Variants in TP53BP2 observed in about 807,000 individuals in gnomAD.
The protein encoded by TP53BP2 is apoptosis-stimulating of p53 protein 2.
In TP53BP2, 62 loss-of-function variants were observed where a neutral mutation model predicts 126.2. The ratio of observed to expected loss-of-function variants is 0.49; its 90% CI spans 0.40 to 0.61. TP53BP2 has a LOEUF of 0.61. TP53BP2 is among the 20% of genes least tolerant of loss of function. TP53BP2 has a pLI of 0.00. For missense variants in TP53BP2, 1,215 were observed against 1,402.8 expected, an observed-to-expected ratio of 0.87 and a Z score of 2.14; for synonymous variants, 485 against 502.9, an observed-to-expected ratio of 0.96 and a Z score of 0.48.
In TP53BP2 at chr1:223,803,281, T is replaced by C; in HGVS notation, c.821A>G (p.Lys274Arg). 1 of 1,611,554 alleles carries C rather than the reference T, an allele frequency of 6.2e-7. No individual in the cohort carries two copies. The change falls in exon 7 of 18, where the codon AAG becomes AGG. Residue 274 changes from lysine to arginine, a missense_variant. Lys to Arg is a conservative substitution (Grantham distance 26). Transcript: ENST00000343537. The stretch of plus-strand genomic sequence containing the variant: ...ACAGCTACGGTCTACCTGCAGCTCC[T>C]TATAGAGGCGATCAAGCTCAGCCAC... Reference protein sequence around the residue: ...SAVAELDRLYKELQLRNKLNQ... With the variant: ...SAVAELDRLYRELQLRNKLNQ...
intron 11 of TP53BP2, among the ~76,000 whole-genome samples, chr1:223,799,635 CA>C (rs1335908050): frequency 1.3e-5 from 2 of 152,298 alleles, no homozygotes; most frequent in African/African-American, 4.8e-5. Context: ...AATACAAATA[CA>C]GTGTTCTTCG....
In TP53BP2 at chr1:223,804,220, T is replaced by C; in HGVS notation, c.603A>G (p.Ala201=). 6.2e-7 allele frequency: 1 copy of C among 1,614,154 alleles called. No homozygotes were observed. Among genetic ancestry groups the C allele is most frequent in the Non-Finnish European group, 8.5e-7 (1 of 1,180,020 alleles). Residue 201 remains alanine, a synonymous_variant, in exon 6 of 18, where the codon GCA becomes GCG. Coordinates refer to ENST00000343537, the MANE Select transcript of TP53BP2 (RefSeq NM_001031685.3). ...TCTTCTGTTCCACGTGGCCTTTAAG[T>C]GCTCTCACTTTTTTTAGCTTAGCTT... The part of the protein sequence containing the change: ...NQEAKLKKVR[A]LKGHVEQKRL...
intron 1 of TP53BP2, among the ~76,000 whole-genome samples, 194 bp downstream of exon 1, chr1:223,845,460 G>C (rs1045115252): frequency 1.3e-5 from 2 of 152,174 alleles, no homozygotes; most frequent in Non-Finnish European, 2.9e-5. Context: ...CCCCCACGAC[G>C]GCTGTGGGCG....
At chr1:223,786,066 A>T (rs1661943376) in intron 16 of TP53BP2, among the ~76,000 whole-genome samples, 1 of 152,124 alleles carries the variant, frequency 6.6e-6, no homozygotes, top group Admixed American at 6.5e-5. Context: ...AAAAAGATAA[A>T]CTGTGCAGTG....
At chr1:223,823,425 T>C (rs1393089511) in intron 1 of TP53BP2, among the ~76,000 whole-genome samples, 1 of 152,202 alleles carries the variant, frequency 6.6e-6, no homozygotes, top group African/African-American at 2.4e-5. Flanking sequence ...CAACCAAAGC[T>C]GTTAACTCAC....
intron 1 of TP53BP2, among the ~76,000 whole-genome samples, chr1:223,829,844 A>G (rs1224014835): frequency 2.0e-5 from 3 of 152,156 alleles, no homozygotes; most frequent in Non-Finnish European, 2.9e-5. Context: ...AACAGAGTAC[A>G]GTTTTTCTTC....
intron 3 of TP53BP2, 82 bp from the exon 4 acceptor site, chr1:223,810,595 A>G (rs1310461751): frequency 1.1e-6 from 1 of 946,928 alleles, no homozygotes; most frequent in African/African-American, 1.7e-5. Context: ...GAGTTCTGTC[A>G]TTACTGTTTG....
At chr1:223,797,781 T>G (rs1662380515) in intron 12 of TP53BP2, among the ~76,000 whole-genome samples, 1 of 102,112 alleles carries the variant, frequency 9.8e-6, no homozygotes, top group Non-Finnish European at 2.6e-5. Flanking sequence ...ATGTGTGTGA[T>G]GTGTGTGTGT....
At chr1:223,830,564 A>T (rs1663661999) in intron 1 of TP53BP2, among the ~76,000 whole-genome samples, 1 of 152,134 alleles carries the variant, frequency 6.6e-6, no homozygotes, top group Non-Finnish European at 1.5e-5. Flanking sequence ...AAATGAAGAA[A>T]AACTCTAAAT....
At chr1:223,794,510 C>T (rs1348007765) in intron 13 of TP53BP2, among the ~76,000 whole-genome samples, 1 of 152,108 alleles carries the variant, frequency 6.6e-6, no homozygotes, top group Admixed American at 6.5e-5. Context: ...AGGTAAGACA[C>T]CTTCCTAGGA....
chr1:223,816,194 G>T (rs1663079896), intron 2 of TP53BP2, among the ~76,000 whole-genome samples: 1 of 152,148 alleles, frequency 6.6e-6, no homozygotes, highest in South Asian at 2.1e-4. Flanking sequence ...TTTGTGCCCT[G>T]TAAGATACCT....
At chr1:223,812,255 T>C (rs1662935417) in intron 3 of TP53BP2, among the ~76,000 whole-genome samples, 1 of 152,162 alleles carries the variant, frequency 6.6e-6, no homozygotes, top group African/African-American at 2.4e-5. Flanking sequence ...GCATTTCTCA[T>C]CTGTAGGGTA....
intron 1 of TP53BP2, among the ~76,000 whole-genome samples, chr1:223,843,791 C>T (rs992266007): frequency 2.0e-5 from 3 of 152,098 alleles, no homozygotes; most frequent in Non-Finnish European, 1.5e-5. Flanking sequence ...GAGAAATATA[C>T]TTAATAAAAG....
chr1:223,829,159 C>G (rs1663608396), intron 1 of TP53BP2, among the ~76,000 whole-genome samples: 1 of 152,058 alleles, frequency 6.6e-6, no homozygotes, highest in Non-Finnish European at 1.5e-5. Flanking sequence ...TGGCAAAACC[C>G]TGTCTCTACA....
Position 223,795,884 on chromosome 1 carries a change from A to C in TP53BP2, c.2655T>G (p.Pro885=), listed in dbSNP as rs147177155. ...YPPPPYPSGE[P]EGPGEDSVSM... is the part of the protein sequence containing the mutation. ...TCACCGAGTCTTCTCCGGGCCCTTC[A>C]GGCTCCCCAGATGGGTATGGTGGGG... Residue 885 remains proline (P), a synonymous_variant, in exon 13 of 18, where the codon CCT becomes CCG. Coordinates refer to ENST00000343537, the MANE Select transcript of TP53BP2 (RefSeq NM_001031685.3). The C allele has an allele frequency of 1.4e-4, 227 of 1,601,936 alleles. No individual in the cohort carries two copies. Among genetic ancestry groups the C allele is most frequent in the Non-Finnish European group, 1.9e-4 (220 of 1,174,582 alleles).
chr1:223,786,579 TGC>T (rs1445076091), intron 16 of TP53BP2, among the ~76,000 whole-genome samples: 118 of 120,542 alleles, frequency 9.8e-4, no homozygotes, highest in Admixed American at 1.6e-3. Context: ...TGTGCGTGTG[TGC>T]GTGTGTGTGT....
chr1:223,821,948 G>C (rs1045589027), intron 1 of TP53BP2, among the ~76,000 whole-genome samples: 19 of 150,204 alleles, frequency 1.3e-4, no homozygotes, highest in Admixed American at 1.1e-3. Context: ...CTGGAGCACA[G>C]TGGCATGATC....
intron 11 of TP53BP2, 116 bp downstream of exon 11, chr1:223,799,783 A>T: frequency 1.1e-6 from 1 of 925,248 alleles, no homozygotes; most frequent in Non-Finnish European, 1.5e-6. Flanking sequence ...TGTATTTTCT[A>T]ATCTCCTAGG....
At chr1:223,837,163 G>GGGGGGGGGGGGGGGGGA (rs1553264323) in intron 1 of TP53BP2, among the ~76,000 whole-genome samples, 1 of 124,818 alleles carries the variant, frequency 8.0e-6, no homozygotes, top group East Asian at 2.4e-4. Flanking sequence ...AAAGGGGGGG[G>GGGGGGGGGGGGGGGGGA]GCGGGGGGTC....
Sources: allele counts gnomAD v4.1 joint callset (sites outside exome capture counted in the v4.1 genomes callset), GRCh38; gene constraint gnomAD v4.1.1; transcripts MANE v1.5; gene names NCBI Gene and HGNC (gene_info 2026-07-23, HGNC 2026-07-21).